Variants in LTBP1 observed in about 807,000 individuals in gnomAD.
The protein encoded by LTBP1 is latent transforming growth factor beta binding protein 1.
Under a neutral mutation model 207.6 loss-of-function variants are expected in LTBP1, and 129 were observed. That is an observed-to-expected ratio of 0.62 (90% CI 0.54 to 0.72). The LOEUF (loss-of-function observed/expected upper bound fraction) is 0.72, where lower values mean the gene tolerates loss of function less well. Among genes scored for constraint, LTBP1 ranks in the 30% least tolerant of loss-of-function variants. LTBP1 has a pLI of 0.00. For synonymous variants in LTBP1, 963 were observed against 833.7 expected, an observed-to-expected ratio of 1.16 and a Z score of -2.67; for missense variants, 2,281 against 2,217.2, an observed-to-expected ratio of 1.03 and a Z score of -0.58.
chr2:33,075,633 C>G (rs1052667669), intron 3 of LTBP1, among the ~76,000 whole-genome samples: 1 of 152,156 alleles, frequency 6.6e-6, no homozygotes, highest in Admixed American at 6.5e-5. Flanking sequence ...GTTAAAATGG[C>G]CTTATGCGTG....
chr2:33,260,323 A>G (rs2092975599), intron 13 of LTBP1, among the ~76,000 whole-genome samples: 2 of 152,198 alleles, frequency 1.3e-5, no homozygotes, highest in African/African-American at 4.8e-5. Context: ...ATATATTGCT[A>G]GACTAAATTA....
At position 33,275,097 on chromosome 2, in the gene LTBP1, G is replaced by A. The variant is rs750065666; in HGVS notation, c.2869+7G>A. 6.2e-6 allele frequency: 10 copies of A among 1,613,374 alleles called. No homozygotes were observed. The highest frequency in any genetic ancestry group is 3.3e-5 in the Admixed American group (2 of 59,972). On this transcript the variant is annotated splice_region_variant and intron_variant, in intron 17 of 33. Coordinates refer to ENST00000404816, the MANE Select transcript of LTBP1 (RefSeq NM_206943.4). ...GAGGGTACTAACTGCATAGGTAATGGCAGCATTCTTCCTGCTTACAAATTC... is the reference window on the plus strand; with the variant it reads ...GAGGGTACTAACTGCATAGGTAATGACAGCATTCTTCCTGCTTACAAATTC...
chr2:33,292,112 ACTGTGACATACGGTGGAC>A (rs1382748694), intron 19 of LTBP1, among the ~76,000 whole-genome samples: 1 of 152,180 alleles, frequency 6.6e-6, no homozygotes, highest in African/African-American at 2.4e-5. Flanking sequence ...AGTGTCTGTC[ACTGTGACATACGGTGGAC>A]CTACCCAGGG....
chr2:33,279,630 G>A (rs904757505), intron 18 of LTBP1, among the ~76,000 whole-genome samples: 2 of 152,074 alleles, frequency 1.3e-5, no homozygotes, highest in African/African-American at 4.8e-5. Flanking sequence ...AGCATCCAAT[G>A]TTTGCAGAGA....
chr2:32,966,895 G>C (rs755996902), intron 2 of LTBP1, among the ~76,000 whole-genome samples: 2 of 152,150 alleles, frequency 1.3e-5, no homozygotes, highest in African/African-American at 2.4e-5. Flanking sequence ...CTCAGAATGA[G>C]TTAGGAAGTA....
chr2:33,382,199 A>G lies in LTBP1; in HGVS notation c.4712-6985A>G, dbSNP rs547386295. Among the ~76,000 whole-genome samples the G allele has an allele frequency of 6.9e-5, 10 of 145,766 alleles. 1 individual carries two copies. Among genetic ancestry groups the G allele is most frequent in the African/African-American group, 2.3e-4 (9 of 38,998 alleles). ...AACCTCCACCTCCCGAGTTCAAGCA[A>G]TTCTCCTGTCTCAGCCTCCCAGGTA... On this transcript the variant is annotated intron_variant, in intron 31 of 33. Coordinates refer to ENST00000404816, the MANE Select transcript of LTBP1 (RefSeq NM_206943.4).
intron 21 of LTBP1, 84 bp downstream of exon 21, chr2:33,300,657 C>T: frequency 7.1e-7 from 1 of 1,404,880 alleles, no homozygotes; most frequent in African/African-American, 1.4e-5. Context: ...AGTGAGTTTA[C>T]CTTTTAAAAA....
rs572828101 is a variant in LTBP1, at chr2:33,234,375, G to A, written c.1877-9287G>A. 7.2e-5 allele frequency among the ~76,000 whole-genome samples: 11 copies of A among 152,142 alleles called. No homozygotes were observed. In the East Asian group the frequency reaches 9.7e-4, roughly 13 times the overall value. On this transcript the variant is annotated intron_variant, in intron 9 of 33. Coordinates refer to ENST00000404816, the MANE Select transcript of LTBP1 (RefSeq NM_206943.4). ...ATAAAGATGAAACTTAGACGAGATC[G>A]GGCACATTCAGGGTGGTATGGCTAT... is the stretch of plus-strand genomic sequence containing the variant.
At chr2:33,145,561 C>G (rs2082958814) in intron 5 of LTBP1, among the ~76,000 whole-genome samples, 1 of 152,150 alleles carries the variant, frequency 6.6e-6, no homozygotes, top group Non-Finnish European at 1.5e-5. Flanking sequence ...TAGAATATGT[C>G]ACTTTTCGCC....
intron 19 of LTBP1, among the ~76,000 whole-genome samples, chr2:33,281,487 A>G (rs1019499168): frequency 1.3e-5 from 2 of 152,210 alleles, no homozygotes; most frequent in Non-Finnish European, 2.9e-5. Context: ...CCACTGAAAA[A>G]TTTAAAGCCC....
At chr2:33,362,770 C>T (rs1050712121) in intron 28 of LTBP1, among the ~76,000 whole-genome samples, 11 of 152,174 alleles carry the variant, frequency 7.2e-5, no homozygotes, top group African/African-American at 2.4e-4. Flanking sequence ...TGAGTATCTG[C>T]TTATGCCAGA....
At chr2:33,056,446 C>A in intron 3 of LTBP1, 1 of 967,922 alleles carries the variant, frequency 1.0e-6, no homozygotes, top group Non-Finnish European at 1.5e-6. Context: ...TTGTTTAGTT[C>A]CCTGTTGTTG....
intron 25 of LTBP1, among the ~76,000 whole-genome samples, chr2:33,343,954 C>G (rs754500317): frequency 6.6e-6 from 1 of 152,018 alleles, no homozygotes; most frequent in Non-Finnish European, 1.5e-5. Context: ...TTTCTTTATT[C>G]TTAGAGAAAA....
At chr2:33,206,395 T>C (rs1268208622) in intron 7 of LTBP1, among the ~76,000 whole-genome samples, 1 of 152,176 alleles carries the variant, frequency 6.6e-6, no homozygotes, top group Non-Finnish European at 1.5e-5. Flanking sequence ...TGATTATCTC[T>C]TTATAGACAT....
Position 33,375,705 on chromosome 2 carries a change from T to G in LTBP1, c.4711+10202T>G, listed in dbSNP as rs1018055516. Among the ~76,000 whole-genome samples, 212 of 97,546 alleles carry G rather than the reference T, an allele frequency of 2.2e-3. 1 individual carries two copies. The highest frequency in any genetic ancestry group is 9.4e-3 in the African/African-American group (203 of 21,538). The allele number at this position is 97,546 out of a possible 152,430, so 64.0% of individuals were successfully genotyped here. Reference sequence around the variant, plus strand: ...ACCATGCCCGGCTAATTTTTTTGTATTTTTTTTTTTTTTTTTTTAGTAGAG... The same window carrying G: ...ACCATGCCCGGCTAATTTTTTTGTAGTTTTTTTTTTTTTTTTTTAGTAGAG... On this transcript the variant is annotated intron_variant, in intron 31 of 33. Coordinates refer to ENST00000404816, the MANE Select transcript of LTBP1 (RefSeq NM_206943.4).
chr2:33,203,463 C>T (rs1298915621), intron 7 of LTBP1, among the ~76,000 whole-genome samples: 1 of 152,164 alleles, frequency 6.6e-6, no homozygotes, highest in Non-Finnish European at 1.5e-5. Flanking sequence ...TGGGTTGTGA[C>T]CCAGACGTTA....
intron 10 of LTBP1, among the ~76,000 whole-genome samples, chr2:33,246,871 T>C (rs2092531503): frequency 6.6e-6 from 1 of 152,210 alleles, no homozygotes; most frequent in African/African-American, 2.4e-5. Flanking sequence ...CTCTGACCTC[T>C]ATGTTTGAGG....
chr2:33,232,201 G>A (rs949165811), intron 9 of LTBP1, among the ~76,000 whole-genome samples: 3 of 152,118 alleles, frequency 2.0e-5, no homozygotes, highest in Non-Finnish European at 2.9e-5. Context: ...TGGAAGATGA[G>A]GAACCCAATC....
intron 2 of LTBP1, among the ~76,000 whole-genome samples, chr2:32,993,430 C>G (rs1438041415): frequency 6.6e-6 from 1 of 152,198 alleles, no homozygotes; most frequent in Non-Finnish European, 1.5e-5. Context: ...CACTCTCTCT[C>G]TCTCATATAT....
Sources: allele counts gnomAD v4.1 joint callset (sites outside exome capture counted in the v4.1 genomes callset), GRCh38; gene constraint gnomAD v4.1.1; transcripts MANE v1.5; gene names NCBI Gene and HGNC (gene_info 2026-07-23, HGNC 2026-07-21).